The following CKAP2 variants were observed in gnomAD, a reference collection of about 807,000 sequenced individuals.
CKAP2 encodes cytoskeleton-associated protein 2.
A neutral mutation model predicts 58.4 loss-of-function variants in CKAP2; 46 were observed. The ratio of observed to expected loss-of-function variants is 0.79; its 90% CI spans 0.62 to 1.01. CKAP2 has a LOEUF of 1.01. CKAP2 is among the 50% of genes least tolerant of loss of function. The pLI, the probability that CKAP2 is intolerant of heterozygous loss-of-function variation, is 0.00. For missense variants in CKAP2, 809 were observed against 796.4 expected (o/e 1.02, Z -0.19); for synonymous variants, 293 against 280.9 (o/e 1.04, Z -0.43).
chr13:52,461,225 A>G lies in CKAP2; in HGVS notation c.399A>G (p.Glu133=), dbSNP rs764480140. 1 of 1,613,870 alleles carries G rather than the reference A, an allele frequency of 6.2e-7. No individual in the cohort carries two copies. Among genetic ancestry groups the G allele is most frequent in the African/African-American group, 1.3e-5 (1 of 74,910 alleles). Residue 133 remains glutamate, a synonymous_variant, in exon 4 of 9, where the codon GAA becomes GAG. Coordinates refer to ENST00000258607, the MANE Select transcript of CKAP2 (RefSeq NM_018204.5). ...SNQTPHLLLT[E]DDPQSQHMTL... is the part of the protein sequence containing the mutation. ...AAACTCCGCATTTGTTACTAACTGA[A>G]GATGATCCCCAAAGTCAACATATGA...
At chr13:52,460,805 G>A in intron 2 of CKAP2, 94 bp from the exon 3 acceptor site, 1 of 1,044,052 alleles carries the variant, frequency 9.6e-7, no homozygotes, top group Non-Finnish European at 1.4e-6. Context: ...TAGTAAGTCA[G>A]TTAATTGTTA....
Position 52,475,924 on chromosome 13 carries a change from G to A in CKAP2, c.*783G>A, listed in dbSNP as rs1332971264. On this transcript the variant is annotated 3_prime_UTR_variant, in exon 9 of 9. Coordinates refer to ENST00000258607, the MANE Select transcript of CKAP2 (RefSeq NM_018204.5). ...ATAGTTTTTAAGCAATTAGAATGGA[G>A]TTAGGGAAAGAACATATCATACTGA... 6.6e-6 allele frequency: 1 copy of A among 152,190 alleles called. No individual in the cohort carries two copies. Among genetic ancestry groups the A allele is most frequent in the Admixed American group, 6.5e-5 (1 of 15,272 alleles). 9.4% of individuals were successfully genotyped at this position (152,190 alleles called of 1,614,324 possible).
rs1169559592 is a variant in CKAP2, at chr13:52,472,308, TC to T, written c.1547-1519del. 2.6e-5 allele frequency among the ~76,000 whole-genome samples: 4 copies of T among 152,358 alleles called. No homozygotes were observed. The East Asian group carries it at 7.7e-4, about 29-fold the overall frequency. ...AGTAGATAAGGACAGTGTCTGATGTTCCTGACCATTGAGTCTCCTGTGCTAA... is the reference window on the plus strand; with the variant it reads ...AGTAGATAAGGACAGTGTCTGATGTTCTGACCATTGAGTCTCCTGTGCTAA... On this transcript the variant is annotated intron_variant, in intron 7 of 8. Coordinates refer to ENST00000258607, the MANE Select transcript of CKAP2 (RefSeq NM_018204.5).
At position 52,464,678 on chromosome 13, in the gene CKAP2, A is replaced by G. The variant is rs7332023; in HGVS notation, c.1306-617A>G. On this transcript the variant is annotated intron_variant, in intron 5 of 8. Transcript: ENST00000258607. ...GGAGTATAATAATCAGCTCCAGAAC[A>G]ATATTCTGTTTAATAATAGATAATA... 3.8e-3 allele frequency among the ~76,000 whole-genome samples: 575 copies of G among 152,076 alleles called. 3 individuals are homozygous for G. The highest frequency in any genetic ancestry group is 0.013 in the African/African-American group (518 of 41,370).
At chr13:52,456,184 A>G in intron 1 of CKAP2, 2 of 1,062,320 alleles carry the variant, frequency 1.9e-6, no homozygotes, top group Non-Finnish European at 2.3e-6. Context: ...GTTCTGGTAA[A>G]TTAGAACTTT....
rs771426842 is a variant in CKAP2 at position 52,461,445 on chromosome 13, C to CT, written c.622dup (p.Ser208PhefsTer6). 6.2e-7 allele frequency: 1 copy of CT among 1,614,168 alleles called. No homozygotes were observed. Among genetic ancestry groups the CT allele is most frequent in the Admixed American group, 1.7e-5 (1 of 60,020 alleles). ...TGAGAGTTCTGCAGCAACAAAGAAACTTTCAGCCACTATACCTAAAGCCAC... is the reference window on the plus strand; with the variant it reads ...TGAGAGTTCTGCAGCAACAAAGAAACTTTTCAGCCACTATACCTAAAGCCAC... On this transcript the variant is annotated frameshift_variant, in exon 4 of 9. Transcript: ENST00000258607. LOFTEE classifies it high-confidence loss of function.
intron 7 of CKAP2, among the ~76,000 whole-genome samples, chr13:52,472,215 T>A (rs545956972): frequency 6.6e-6 from 1 of 152,306 alleles, no homozygotes; most frequent in African/African-American, 2.4e-5. Flanking sequence ...TTTTTTTCCC[T>A]ATGCAATATT....
At chr13:52,462,127 C>G (rs1474576559) in intron 4 of CKAP2, among the ~76,000 whole-genome samples, 1 of 152,112 alleles carries the variant, frequency 6.6e-6, no homozygotes, top group Non-Finnish European at 1.5e-5. Flanking sequence ...TTTTTAAAAT[C>G]TAAGGTAAAT....
intron 7 of CKAP2, among the ~76,000 whole-genome samples, chr13:52,471,848 T>C (rs1225491692): frequency 6.6e-6 from 1 of 152,232 alleles, no homozygotes; most frequent in African/African-American, 2.4e-5. Context: ...ACTATAACAG[T>C]GGTCTTCAAA....
chr13:52,463,148 G>C (rs1306193468), intron 5 of CKAP2, among the ~76,000 whole-genome samples: 1 of 152,164 alleles, frequency 6.6e-6, no homozygotes, highest in Non-Finnish European at 1.5e-5. Context: ...ATGTTGGTCA[G>C]GCTGGTCTCA....
In CKAP2 at chr13:52,461,275, A is replaced by C. The variant is rs1251418821; in HGVS notation, c.449A>C (p.Lys150Thr). ...ACATTAAGCCAGGCATTTCACCTTA[A>C]AAACAATAGTAAAAAGAAACAAATG... ...HMTLSQAFHL[K>T]NNSKKKQMTT... is the part of the protein sequence containing the mutation. The change falls in exon 4 of 9, where the codon AAA (lysine) becomes ACA (threonine). Residue 150 changes from lysine (K) to threonine (T), a missense_variant. Transcript: ENST00000258607. 10 of 1,613,660 alleles carry C rather than the reference A, an allele frequency of 6.2e-6. No individual in the cohort carries two copies. Among genetic ancestry groups the C allele is most frequent in the Non-Finnish European group, 8.5e-6 (10 of 1,179,928 alleles).
chr13:52,460,818 A>G (rs896448355), intron 2 of CKAP2, 81 bp from the exon 3 acceptor site: 16 of 1,184,028 alleles, frequency 1.4e-5, no homozygotes, highest in South Asian at 1.2e-4. Context: ...AATTGTTAAC[A>G]TTGCCCTCTT....
rs1316974402 is a variant in CKAP2 at position 52,460,991 on chromosome 13, G to A, written c.231+17G>A. ...ACAAAAATGGTAAGATGTGGACATA[G>A]CACTCTTAAACTGTCCCCTTTTCCA... On this transcript the variant is annotated intron_variant, in intron 3 of 8. Transcript: ENST00000258607. 2.5e-6 allele frequency: 4 copies of A among 1,612,402 alleles called. No homozygotes were observed. In the East Asian group the frequency reaches 8.9e-5, roughly 36 times the overall value.
intron 5 of CKAP2, among the ~76,000 whole-genome samples, chr13:52,463,408 C>G (rs1032878101): frequency 6.6e-6 from 1 of 152,026 alleles, no homozygotes; most frequent in African/African-American, 2.4e-5. Context: ...TCATTCCTCA[C>G]TCTGAATTTC....
At chr13:52,474,762 C>A in intron 8 of CKAP2, 133 bp from the exon 9 acceptor site, 1 of 835,616 alleles carries the variant, frequency 1.2e-6, no homozygotes, top group African/African-American at 1.7e-5. Flanking sequence ...GCTTATAGTA[C>A]CTCTCTAAAA....
chr13:52,473,875 A>G lies in CKAP2; in HGVS notation c.1593A>G (p.Glu531=), dbSNP rs759088946. 3 of 1,613,518 alleles carry G rather than the reference A, an allele frequency of 1.9e-6. No homozygotes were observed. Among genetic ancestry groups the G allele is most frequent in the Non-Finnish European group, 2.5e-6 (3 of 1,179,670 alleles). The change falls in exon 8 of 9, where the codon GAA becomes GAG. Residue 531 remains glutamate, a synonymous_variant. Coordinates refer to ENST00000258607, the MANE Select transcript of CKAP2 (RefSeq NM_018204.5). The stretch of plus-strand genomic sequence containing the variant: ...GTGCAAGCAAGGAAGAAGTCAAAGA[A>G]GTCAGTATTGAAGATACAGGTGTTG... ...KSCASKEEVK[E]VSIEDTGVDV... is the part of the protein sequence containing the mutation.
At chr13:52,464,018 A>T (rs774498516) in intron 5 of CKAP2, among the ~76,000 whole-genome samples, 10 of 152,222 alleles carry the variant, frequency 6.6e-5, no homozygotes, top group Non-Finnish European at 1.2e-4. Flanking sequence ...ACCTGTATCA[A>T]AGGGATAATT....
At position 52,455,498 on chromosome 13, in the gene CKAP2, T is replaced by A. The variant is rs1958459991; in HGVS notation, c.-59T>A. 1 of 1,600,768 alleles carries A rather than the reference T, an allele frequency of 6.2e-7. No homozygotes were observed. Among genetic ancestry groups the A allele is most frequent in the South Asian group, 1.1e-5 (1 of 90,868 alleles). On this transcript the variant is annotated 5_prime_UTR_variant, in exon 1 of 9. Coordinates refer to ENST00000258607, the MANE Select transcript of CKAP2 (RefSeq NM_018204.5). ...GCGGTGCAGACTGCGGCGGCGGTGG[T>A]CTGAGGAAGTTCTATCTTGGCGCTA... is the stretch of plus-strand genomic sequence containing the variant.
intron 5 of CKAP2, 48 bp from the exon 6 acceptor site, chr13:52,465,246 CA>C (rs780921893): frequency 6.6e-7 from 1 of 1,509,032 alleles, no homozygotes. Context: ...TTATTGTTCC[CA>C]CTTTGTAAGC....
Sources: gnomAD v4.1 joint callset for allele counts (sites outside exome capture counted in the v4.1 genomes callset) on GRCh38, gnomAD v4.1.1 for gene constraint, MANE v1.5 for transcripts, NCBI Gene and HGNC (gene_info 2026-07-23, HGNC 2026-07-21) for gene names.